The following ADRA1A variants were observed in gnomAD, a reference collection of about 807,000 sequenced individuals.
The protein encoded by ADRA1A is alpha-1A adrenergic receptor.
ADRA1A carries 31 observed loss-of-function variants against 29.6 expected under a neutral mutation model. The observed-to-expected ratio is 1.05, with a 90% confidence interval of 0.79 to 1.41. The LOEUF is 1.41. ADRA1A is among the 40% of genes most tolerant of loss of function. The probability of loss-of-function intolerance (pLI) is 0.00; values close to 1 mark genes in which losing one functional copy is unlikely to be tolerated. For missense variants in ADRA1A, 619 were observed against 601.1 expected (o/e 1.03, Z -0.31); for synonymous variants, 311 against 254.3 (o/e 1.22, Z -2.12).
At chr8:26,844,709 C>T (rs1812074408) in intron 2 of ADRA1A, among the ~76,000 whole-genome samples, 1 of 152,100 alleles carries the variant, frequency 6.6e-6, no homozygotes. Flanking sequence ...AGCTTACCTC[C>T]TATCATGTAT....
chr8:26,786,872 T>A (rs1807434819), intron 2 of ADRA1A, among the ~76,000 whole-genome samples: 1 of 147,482 alleles, frequency 6.8e-6, no homozygotes. Context: ...GTAAATTTCA[T>A]AAAGATAGGA....
intron 2 of ADRA1A, among the ~76,000 whole-genome samples, chr8:26,842,506 C>A (rs1214318030): frequency 6.6e-6 from 1 of 152,138 alleles, no homozygotes; most frequent in Non-Finnish European, 1.5e-5. Flanking sequence ...CATTGACCTG[C>A]CTTGAAATAT....
chr8:26,798,620 C>G (rs1433016995), intron 2 of ADRA1A, among the ~76,000 whole-genome samples: 2 of 152,102 alleles, frequency 1.3e-5, no homozygotes, highest in Non-Finnish European at 2.9e-5. Flanking sequence ...AGTCATTTGA[C>G]TATCAGGAGT....
intron 2 of ADRA1A, among the ~76,000 whole-genome samples, chr8:26,812,777 G>T (rs1585742728): frequency 6.6e-6 from 1 of 151,764 alleles, no homozygotes; most frequent in Non-Finnish European, 1.5e-5. Context: ...CCATTCTCCT[G>T]CCTCAGCCTC....
chr8:26,814,512 T>G (rs533363985), intron 2 of ADRA1A, among the ~76,000 whole-genome samples: 1 of 152,372 alleles, frequency 6.6e-6, no homozygotes, highest in African/African-American at 2.4e-5. Context: ...TCCTATCACC[T>G]TGGCCTCCCA....
intron 2 of ADRA1A, among the ~76,000 whole-genome samples, chr8:26,850,031 C>G (rs73231591): frequency 5.9e-5 from 2 of 34,072 alleles, no homozygotes; most frequent in Admixed American, 2.3e-4. Context: ...AATGCAAAAA[C>G]AAAAAACAAA....
chr8:26,801,684 A>AC (rs61332428), intron 2 of ADRA1A, among the ~76,000 whole-genome samples: 90,108 of 151,890 alleles, frequency 0.59, 29,169 homozygotes, highest in East Asian at 0.9. Flanking sequence ...AAATGTTCAT[A>AC]AACACAAAGC....
chr8:26,864,843 C>G lies in ADRA1A; in HGVS notation c.127G>C (p.Gly43Arg). 6.2e-7 allele frequency: 1 copy of G among 1,614,046 alleles called. No individual in the cohort carries two copies. The highest frequency in any genetic ancestry group is 8.5e-7 in the Non-Finnish European group (1 of 1,180,012). The change falls in exon 2 of 3, where the codon GGT (glycine) becomes CGT (arginine). Residue 43 changes from glycine (G) to arginine (R), a missense_variant. Coordinates refer to ENST00000380573, the MANE Select transcript of ADRA1A (RefSeq NM_000680.4). The surrounding 1 kb of genome is among the most constrained non-coding windows in gnomAD (Gnocchi z 8.1). ...ACGGAGAGGATCACTAGGATGTTAC[C>G]CAGCACCCCGAAAAGAATGAGGCCC... ...LGGLILFGVL[G>R]NILVILSVAC...
intron 2 of ADRA1A, among the ~76,000 whole-genome samples, chr8:26,862,944 G>A (rs1361781063): frequency 6.6e-6 from 1 of 152,208 alleles, no homozygotes; most frequent in Admixed American, 6.5e-5. Flanking sequence ...GGATAATTGT[G>A]TATAACTCAC....
chr8:26,822,550 G>A (rs995431305), intron 2 of ADRA1A, among the ~76,000 whole-genome samples: 1 of 152,148 alleles, frequency 6.6e-6, no homozygotes, highest in Non-Finnish European at 1.5e-5. Context: ...ATCCTCACAA[G>A]GTTGATGCAG....
intron 2 of ADRA1A, among the ~76,000 whole-genome samples, chr8:26,795,374 A>C (rs1808121785): frequency 6.6e-6 from 1 of 152,184 alleles, no homozygotes; most frequent in South Asian, 2.1e-4. Flanking sequence ...GCTGGGGGAA[A>C]ATAAACCTTT....
chr8:26,846,235 T>G (rs1812187255), intron 2 of ADRA1A, among the ~76,000 whole-genome samples: 2 of 152,238 alleles, frequency 1.3e-5, no homozygotes, highest in Non-Finnish European at 2.9e-5. Context: ...AAACAAAAGC[T>G]GAACAATAAT....
chr8:26,750,037 A>T (rs987348676), intron 2 of ADRA1A, among the ~76,000 whole-genome samples: 1 of 152,184 alleles, frequency 6.6e-6, no homozygotes, highest in East Asian at 1.9e-4. Flanking sequence ...GCTTATACAC[A>T]TCAGAAATTT....
intron 2 of ADRA1A, among the ~76,000 whole-genome samples, chr8:26,758,038 A>G (rs1373884671): frequency 6.6e-6 from 1 of 152,192 alleles, no homozygotes; most frequent in Non-Finnish European, 1.5e-5. Flanking sequence ...CAATTCAGAG[A>G]GCTTGGTGGA....
chr8:26,784,247 T>C (rs1807212230), intron 2 of ADRA1A, among the ~76,000 whole-genome samples: 1 of 152,190 alleles, frequency 6.6e-6, no homozygotes, highest in Non-Finnish European at 1.5e-5. Context: ...GAAGGACTAA[T>C]CCCTGGTACC....
Position 26,757,800 on chromosome 8 carries a change from C to T in ADRA1A, c.1270-1021G>A, listed in dbSNP as rs142962097. On this transcript the variant is annotated intron_variant, in intron 2 of 2. Coordinates refer to the ADRA1A transcript ENST00000380582. ...TCTTAGTTTTGCTTCAAATGCTGTACTGTCTTCCAGTGGTCAAAACTACTT... is the reference window on the plus strand; with the variant it reads ...TCTTAGTTTTGCTTCAAATGCTGTATTGTCTTCCAGTGGTCAAAACTACTT... Among the ~76,000 whole-genome samples the T allele has an allele frequency of 2.0e-3, 297 of 152,252 alleles. 1 individual carries two copies. The highest frequency in any genetic ancestry group is 6.8e-3 in the African/African-American group (284 of 41,532).
At chr8:26,762,686 T>C (rs1026547576), downstream of ADRA1A, among the ~76,000 whole-genome samples, 1 of 152,076 alleles carries the variant, frequency 6.6e-6, no homozygotes, top group Non-Finnish European at 1.5e-5. This position sits in a 1 kb window ranked among gnomAD's most constrained non-coding sequence, Gnocchi z 4.0. Flanking sequence ...AAAGCTGCCA[T>C]GAAGCATCAG....
intron 2 of ADRA1A, among the ~76,000 whole-genome samples, chr8:26,861,303 G>GCT (rs1813436795): frequency 8.4e-6 from 1 of 119,672 alleles, no homozygotes; most frequent in Non-Finnish European, 1.7e-5. Context: ...CAGAGGCTCT[G>GCT]TTTTTTTTTT....
intron 2 of ADRA1A, among the ~76,000 whole-genome samples, chr8:26,838,034 A>G (rs1585802296): frequency 6.6e-6 from 1 of 152,222 alleles, no homozygotes; most frequent in South Asian, 2.1e-4. Flanking sequence ...TTGGCTGTCT[A>G]TACCAATCAC....
Sources: allele counts gnomAD v4.1 joint callset (sites outside exome capture counted in the v4.1 genomes callset), GRCh38; gene constraint gnomAD v4.1.1; non-coding constraint Gnocchi (gnomAD v3.1); transcripts MANE v1.5; gene names NCBI Gene and HGNC (gene_info 2026-07-23, HGNC 2026-07-21).